NKAIN2: variants seen among roughly 807,000 people sequenced by gnomAD.
NKAIN2 encodes the protein sodium/potassium transporting ATPase interacting 2.
Under a neutral mutation model 32.6 loss-of-function variants are expected in NKAIN2, and 14 were observed. The observed-to-expected ratio is 0.43, with a 90% CI of 0.28 to 0.67. NKAIN2 has a LOEUF of 0.67. NKAIN2 is among the 30% of genes least tolerant of loss of function. NKAIN2 has a pLI of 0.17. For missense variants in NKAIN2, 198 were observed against 258.3 expected, an observed-to-expected ratio of 0.77 and a Z score of 1.60; for synonymous variants, 80 against 87.2, an observed-to-expected ratio of 0.92 and a Z score of 0.46.
intron 3 of NKAIN2, among the ~76,000 whole-genome samples, chr6:124,631,657 G>A (rs1783572800): frequency 6.6e-6 from 1 of 152,098 alleles, no homozygotes; most frequent in Non-Finnish European, 1.5e-5. Context: ...TTACCGTCCA[G>A]ATAAAGTCCT....
At chr6:124,258,488 G>T (rs184112509) in intron 1 of NKAIN2, among the ~76,000 whole-genome samples, 2 of 152,234 alleles carry the variant, frequency 1.3e-5, no homozygotes, top group African/African-American at 4.8e-5. Flanking sequence ...AGGGAACTGT[G>T]GAAAGCAAAA....
chr6:123,974,011 A>G (rs1001609532), intron 1 of NKAIN2, among the ~76,000 whole-genome samples: 3 of 152,180 alleles, frequency 2.0e-5, no homozygotes, highest in African/African-American at 4.8e-5. Flanking sequence ...AAACTTTTAT[A>G]TTTTAAGAAG....
At chr6:124,660,441 A>C (rs1784706119) in intron 4 of NKAIN2, among the ~76,000 whole-genome samples, 4 of 152,262 alleles carry the variant, frequency 2.6e-5, no homozygotes, top group Admixed American at 2.6e-4. Context: ...GTTGACATAC[A>C]TACCCAAAGA....
At position 124,013,679 on chromosome 6, in the gene NKAIN2, C is replaced by A. The variant is rs200837911; in HGVS notation, c.54+209425C>A. On this transcript the variant is annotated intron_variant, in intron 1 of 6. Coordinates refer to ENST00000368417, the MANE Select transcript of NKAIN2 (RefSeq NM_001040214.3). Reference sequence around the variant, plus strand: ...TACCCTTTATGGCAAAAGAGACTTGCAGATATGATCAGGGTTGTTAAACAT... The same window carrying A: ...TACCCTTTATGGCAAAAGAGACTTGAAGATATGATCAGGGTTGTTAAACAT... Among the ~76,000 whole-genome samples the A allele has an allele frequency of 2.0e-5, 3 of 152,226 alleles. No homozygotes were observed. In the East Asian group the frequency reaches 5.8e-4, roughly 29 times the overall value.
intron 1 of NKAIN2, among the ~76,000 whole-genome samples, chr6:124,270,982 G>C (rs1794735309): frequency 6.6e-6 from 1 of 152,208 alleles, no homozygotes; most frequent in Admixed American, 6.5e-5. Flanking sequence ...TGTTAAGGGA[G>C]GGACCTGGTG....
At chr6:124,733,334 G>A (rs987747831) in intron 4 of NKAIN2, among the ~76,000 whole-genome samples, 2 of 151,822 alleles carry the variant, frequency 1.3e-5, no homozygotes, top group African/African-American at 2.4e-5. Flanking sequence ...TCATTTAGGA[G>A]GTTGGAAGAG....
chr6:124,804,943 G>C (rs1780458684), intron 5 of NKAIN2, among the ~76,000 whole-genome samples: 1 of 152,214 alleles, frequency 6.6e-6, no homozygotes, highest in Admixed American at 6.5e-5. Flanking sequence ...GCTGGGGGAA[G>C]GGCGCCCGCC....
chr6:123,927,131 G>T (rs919267488), intron 1 of NKAIN2, among the ~76,000 whole-genome samples: 3 of 152,136 alleles, frequency 2.0e-5, no homozygotes, highest in Non-Finnish European at 4.4e-5. Context: ...AGGCAACCAT[G>T]TGGCCATGGA....
At chr6:123,852,440 C>A (rs1308249358) in intron 1 of NKAIN2, among the ~76,000 whole-genome samples, 1 of 152,094 alleles carries the variant, frequency 6.6e-6, no homozygotes, top group Non-Finnish European at 1.5e-5. Flanking sequence ...TAACACCTTC[C>A]CAGTCTCCCC....
intron 3 of NKAIN2, among the ~76,000 whole-genome samples, chr6:124,566,865 T>G (rs1780934882): frequency 6.6e-6 from 1 of 151,530 alleles, no homozygotes; most frequent in South Asian, 2.1e-4. Flanking sequence ...AAGAAAGAAA[T>G]CAGAGGAGGC....
chr6:124,113,410 A>G (rs1582668707), intron 1 of NKAIN2, among the ~76,000 whole-genome samples: 1 of 151,802 alleles, frequency 6.6e-6, no homozygotes, highest in African/African-American at 2.4e-5. Flanking sequence ...ACACAGATCA[A>G]CTCTTTCCTT....
intron 2 of NKAIN2, among the ~76,000 whole-genome samples, chr6:124,336,533 A>C (rs1281751477): frequency 6.6e-6 from 1 of 152,198 alleles, no homozygotes; most frequent in Admixed American, 6.5e-5. Flanking sequence ...CTCTGATAGC[A>C]TTGAGCCATT....
At chr6:124,053,173 C>T (rs927143234) in intron 1 of NKAIN2, among the ~76,000 whole-genome samples, 5 of 151,816 alleles carry the variant, frequency 3.3e-5, no homozygotes, top group African/African-American at 1.2e-4. Flanking sequence ...GAGTTTGTTG[C>T]ACAGATTATT....
At chr6:124,201,358 T>A (rs1349328010) in intron 1 of NKAIN2, among the ~76,000 whole-genome samples, 2 of 152,032 alleles carry the variant, frequency 1.3e-5, no homozygotes, top group Non-Finnish European at 2.9e-5. Context: ...TTGGTATGAT[T>A]AAGAATGAAA....
intron 1 of NKAIN2, among the ~76,000 whole-genome samples, chr6:124,039,724 A>C (rs1162355523): frequency 6.6e-6 from 1 of 151,908 alleles, no homozygotes; most frequent in African/African-American, 2.4e-5. Context: ...TTAGTCTAAA[A>C]ATATATTTTT....
At chr6:124,820,964 T>A (rs187269147) in intron 6 of NKAIN2, among the ~76,000 whole-genome samples, 1 of 152,196 alleles carries the variant, frequency 6.6e-6, no homozygotes, top group East Asian at 1.9e-4. Context: ...ACATATAACA[T>A]CAGCTCAAGT....
intron 3 of NKAIN2, among the ~76,000 whole-genome samples, chr6:124,404,709 G>A (rs1773771551): frequency 6.6e-6 from 1 of 151,760 alleles, no homozygotes; most frequent in Admixed American, 6.6e-5. Flanking sequence ...ATACTTTAAA[G>A]TTACAAACTA....
intron 5 of NKAIN2, among the ~76,000 whole-genome samples, chr6:124,806,563 G>A (rs934795133): frequency 6.6e-6 from 1 of 151,718 alleles, no homozygotes; most frequent in Non-Finnish European, 1.5e-5. Flanking sequence ...ATCGAGACTA[G>A]GAAGAAACTG....
intron 1 of NKAIN2, among the ~76,000 whole-genome samples, chr6:123,900,214 G>T (rs1413041095): frequency 6.6e-6 from 1 of 152,130 alleles, no homozygotes; most frequent in Non-Finnish European, 1.5e-5. Context: ...GCTCATGTCT[G>T]TAATCCCAGC....
Sources: allele counts gnomAD v4.1 joint callset (sites outside exome capture counted in the v4.1 genomes callset), GRCh38; gene constraint gnomAD v4.1.1; transcripts MANE v1.5; gene names NCBI Gene and HGNC (gene_info 2026-07-23, HGNC 2026-07-21).